The following AGMO variants were observed in gnomAD, a reference collection of about 807,000 sequenced individuals.
The protein encoded by AGMO is alkylglycerol monooxygenase, also known as glyceryl-ether monooxygenase.
In AGMO, 75 loss-of-function variants were observed where a neutral mutation model predicts 60.2. The observed-to-expected ratio is 1.25, with a 90% confidence interval of 1.03 to 1.51. AGMO has a LOEUF of 1.51. Ranked by LOEUF, AGMO falls within the 40% of genes most tolerant of loss-of-function variation. AGMO has a pLI of 0.00. For synonymous variants in AGMO, 261 were observed against 177.1 expected (o/e 1.47, Z -3.76); for missense variants, 763 against 525.5 (o/e 1.45, Z -4.42).
At chr7:15,432,333 T>TATATATATACATAC (rs6150001) in intron 3 of AGMO, among the ~76,000 whole-genome samples, 49,855 of 134,546 alleles carry the variant, frequency 0.37, 9,976 homozygotes, top group Middle Eastern at 0.51. Flanking sequence ...TATATGTATA[T>TATATATATACATAC]ATATATATAT....
chr7:15,498,277 G>T (rs1529894), intron 3 of AGMO, among the ~76,000 whole-genome samples: 1 of 151,722 alleles, frequency 6.6e-6, no homozygotes, highest in Non-Finnish European at 1.5e-5. Context: ...AAAAACAGTA[G>T]TAGTGATAAT....
At chr7:15,473,460 G>C (rs1256934209) in intron 3 of AGMO, among the ~76,000 whole-genome samples, 1 of 151,782 alleles carries the variant, frequency 6.6e-6, no homozygotes. Context: ...GAAAATTTCA[G>C]GCCAATATCC....
intron 12 of AGMO, among the ~76,000 whole-genome samples, chr7:15,346,577 T>G (rs7776940): frequency 6.6e-6 from 1 of 150,386 alleles, no homozygotes; most frequent in Non-Finnish European, 1.5e-5. Context: ...CTTCTTTATA[T>G]TTCAAGCCTC....
In AGMO at chr7:15,378,665, C is replaced by T. The variant is rs370226510; in HGVS notation, c.1074+6781G>A. ...AGAGAATTAACAAAGATATGCAGCA[C>T]CTGAACTCAGCACTAGACCAAATGG... is the stretch of plus-strand genomic sequence containing the variant. On this transcript the variant is annotated intron_variant, in intron 10 of 12. Transcript: ENST00000342526. Among the ~76,000 whole-genome samples, 189 of 151,886 alleles carry T rather than the reference C, an allele frequency of 1.2e-3. 4 individuals are homozygous for T. The highest frequency in any genetic ancestry group is 4.5e-3 in the African/African-American group (185 of 41,396).
At chr7:15,185,949 C>A in the AGMO span, among the ~76,000 whole-genome samples, 2 of 152,170 alleles carry the variant, frequency 1.3e-5, no homozygotes, top group Non-Finnish European at 2.9e-5. Flanking sequence ...ACTCTGTATA[C>A]AGAATTTTAA....
chr7:15,385,181 T>C (rs1263918524), intron 10 of AGMO, among the ~76,000 whole-genome samples: 2 of 152,234 alleles, frequency 1.3e-5, no homozygotes. Context: ...AATTTGTTTA[T>C]GGCAAATAAT....
At chr7:15,456,768 T>A (rs1782008829) in intron 3 of AGMO, among the ~76,000 whole-genome samples, 1 of 152,190 alleles carries the variant, frequency 6.6e-6, no homozygotes, top group Admixed American at 6.6e-5. Context: ...GCAGTTCATC[T>A]TTCACCTTGG....
At chr7:15,522,078 A>C (rs534135437) in intron 3 of AGMO, among the ~76,000 whole-genome samples, 3 of 152,202 alleles carry the variant, frequency 2.0e-5, no homozygotes, top group Non-Finnish European at 4.4e-5. Flanking sequence ...GAGCCAAATC[A>C]TGAGTGAACT....
chr7:15,250,437 G>T (rs975086302), intron 12 of AGMO, among the ~76,000 whole-genome samples: 15 of 152,026 alleles, frequency 9.9e-5, no homozygotes, highest in Admixed American at 5.9e-4. Flanking sequence ...TAGAACCAGA[G>T]TCTGATAGCA....
chr7:15,183,009 C>T, the AGMO span, among the ~76,000 whole-genome samples: 1 of 152,018 alleles, frequency 6.6e-6, no homozygotes, highest in African/African-American at 2.4e-5. Context: ...GGATATCCAC[C>T]CCCATGATTC....
Position 15,200,392 on chromosome 7 carries a change from C to A in AGMO, c.*893G>T. ...ATAATGCAGAATTGCTGCATGCTGC[C>A]CAGTCTGCCAAAACAAATTGACCAA... is the stretch of plus-strand genomic sequence containing the variant. On this transcript the variant is annotated 3_prime_UTR_variant, in exon 13 of 13. Coordinates refer to ENST00000342526, the MANE Select transcript of AGMO (RefSeq NM_001004320.2). 1 of 152,228 alleles carries A rather than the reference C, an allele frequency of 6.6e-6. No individual in the cohort carries two copies. The highest frequency in any genetic ancestry group is 1.9e-4 in the East Asian group (1 of 5,178). 9.4% of individuals were successfully genotyped at this position (152,228 alleles called of 1,614,324 possible). A position where few individuals can be genotyped will look rare whatever the true frequency, so the allele number is the denominator to read the frequency against.
At chr7:15,368,918 T>C (rs368255437) in intron 10 of AGMO, among the ~76,000 whole-genome samples, 1 of 152,056 alleles carries the variant, frequency 6.6e-6, no homozygotes, top group East Asian at 1.9e-4. Context: ...AGTCAACATC[T>C]CTAACTGGTG....
At chr7:15,518,028 A>G (rs2128533939) in intron 3 of AGMO, among the ~76,000 whole-genome samples, 1 of 152,268 alleles carries the variant, frequency 6.6e-6, no homozygotes, top group East Asian at 1.9e-4. Flanking sequence ...GGTGGTTTTC[A>G]CAGTGTAAAA....
At chr7:15,312,861 GT>G (rs1780807422) in intron 12 of AGMO, among the ~76,000 whole-genome samples, 2 of 152,122 alleles carry the variant, frequency 1.3e-5, no homozygotes, top group Admixed American at 6.5e-5. Flanking sequence ...TAAAGACAGG[GT>G]TTTGCCATGT....
intron 12 of AGMO, among the ~76,000 whole-genome samples, chr7:15,324,817 T>C (rs1485100410): frequency 1.3e-5 from 2 of 152,098 alleles, no homozygotes; most frequent in East Asian, 1.9e-4. Context: ...GAGAATCTAA[T>C]GTCACCACTG....
the AGMO span, among the ~76,000 whole-genome samples, chr7:15,169,579 C>A: frequency 1.3e-5 from 2 of 151,816 alleles, no homozygotes; most frequent in South Asian, 2.1e-4. Context: ...TGGGATTACA[C>A]GCATCCACCA....
intron 3 of AGMO, among the ~76,000 whole-genome samples, chr7:15,456,442 TA>T (rs1290043667): frequency 6.6e-6 from 1 of 152,152 alleles, no homozygotes; most frequent in African/African-American, 2.4e-5. Context: ...TGAGAATGAT[TA>T]GAATTTTTCA....
intron 3 of AGMO, among the ~76,000 whole-genome samples, chr7:15,431,430 AG>A: frequency 6.6e-6 from 1 of 152,042 alleles, no homozygotes; most frequent in South Asian, 2.1e-4. Context: ...AGATTATAAA[AG>A]CTAGCTGGTA....
At chr7:15,365,312 C>T (rs1045382209) in intron 12 of AGMO, among the ~76,000 whole-genome samples, 13 of 137,704 alleles carry the variant, frequency 9.4e-5, no homozygotes, top group African/African-American at 3.6e-4. Flanking sequence ...TCCAACTTTA[C>T]GGGCCAAAAA....
Sources: allele counts gnomAD v4.1 joint callset (sites outside exome capture counted in the v4.1 genomes callset), GRCh38; gene constraint gnomAD v4.1.1; transcripts MANE v1.5; gene names NCBI Gene and HGNC (gene_info 2026-07-23, HGNC 2026-07-21).